Variants in CNDP2 observed in about 807,000 individuals in gnomAD.
The protein encoded by CNDP2 is carnosine dipeptidase 2.
A neutral mutation model predicts 55.0 loss-of-function variants in CNDP2; 38 were observed. The observed-to-expected ratio is 0.69, with a 90% CI of 0.53 to 0.90. CNDP2 has a LOEUF of 0.90. CNDP2 is among the 40% of genes least tolerant of loss of function. The pLI is 0.00. For synonymous variants in CNDP2, 241 were observed against 260.2 expected, an observed-to-expected ratio of 0.93 and a Z score of 0.71; for missense variants, 607 against 621.7, an observed-to-expected ratio of 0.98 and a Z score of 0.25.
At chr18:74,498,463 A>G (rs1978521448) in intron 1 of CNDP2, among the ~76,000 whole-genome samples, 2 of 152,166 alleles carry the variant, frequency 1.3e-5, no homozygotes, top group Admixed American at 6.6e-5. Flanking sequence ...GCACGTGACT[A>G]TATTTTTGAG....
intron 2 of CNDP2, among the ~76,000 whole-genome samples, chr18:74,500,239 A>C (rs531036144): frequency 2.3e-4 from 35 of 152,368 alleles, no homozygotes; most frequent in African/African-American, 7.0e-4. Context: ...TAAGAATAGC[A>C]AATCTAATTG....
chr18:74,516,274 A>G lies in CNDP2; in HGVS notation c.950A>G (p.His317Arg), dbSNP rs374013788. 1.7e-5 allele frequency: 28 copies of G among 1,613,904 alleles called. No homozygotes were observed. The highest frequency in any genetic ancestry group is 2.2e-5 in the Non-Finnish European group (26 of 1,179,978). The change falls in exon 9 of 12, where the codon CAT (histidine) becomes CGT (arginine). Residue 317 changes from histidine to arginine, a missense_variant. Transcript: ENST00000324262. ...TGGCGGTACCCGTCTCTGTCCCTCC[A>G]TGGCATCGAAGGCGCCTTCTCTGGG... ...HRWRYPSLSL[H>R]GIEGAFSGSG...
chr18:74,520,070 C>T lies in CNDP2; in HGVS notation c.*2C>T, dbSNP rs1979964834. On this transcript the variant is annotated 3_prime_UTR_variant, in exon 12 of 12. Transcript: ENST00000324262. The stretch of plus-strand genomic sequence containing the variant: ...GAGGTCTCCCAGCTGAAGGACTAGG[C>T]CAAGCCCTCTGTGTGCCATCTCCAA... The T allele has an allele frequency of 6.2e-7, 1 of 1,613,952 alleles. No homozygotes were observed. Among genetic ancestry groups the T allele is most frequent in the Non-Finnish European group, 8.5e-7 (1 of 1,179,970 alleles).
At chr18:74,503,371 GTTC>G (rs1258540317) in intron 3 of CNDP2, among the ~76,000 whole-genome samples, 1 of 152,194 alleles carries the variant, frequency 6.6e-6, no homozygotes, top group Non-Finnish European at 1.5e-5. Context: ...TGGCAGTGGT[GTTC>G]TGTTTTTCAG....
intron 1 of CNDP2, chr18:74,499,656 C>A: frequency 2.9e-6 from 1 of 340,740 alleles, no homozygotes; most frequent in Admixed American, 4.4e-5. Context: ...GTATTTTCTT[C>A]AACTCAGGCC....
rs1432199495 is a variant in CNDP2 at position 74,522,420 on chromosome 18, C to G, written c.*2352C>G. The G allele has an allele frequency of 6.6e-6, 1 of 152,240 alleles. No individual in the cohort carries two copies. Among genetic ancestry groups the G allele is most frequent in the Non-Finnish European group, 1.5e-5 (1 of 68,054 alleles). The allele number at this position is 152,240 out of a possible 1,614,324, so 9.4% of individuals were successfully genotyped here. On this transcript the variant is annotated 3_prime_UTR_variant, in exon 12 of 12. Coordinates refer to ENST00000324262, the MANE Select transcript of CNDP2 (RefSeq NM_018235.3). ...TGCATGCGAGCTGCATATGGGCCCC[C>G]GTTAGTCAGGAACCCATGCTGAGAG... is the stretch of plus-strand genomic sequence containing the variant.
intron 11 of CNDP2, 119 bp from the exon 12 acceptor site, chr18:74,519,880 G>C (rs1979948107): frequency 1.2e-6 from 1 of 849,342 alleles, no homozygotes; most frequent in Non-Finnish European, 1.9e-6. Flanking sequence ...CCCCAAGCTG[G>C]GATGGGGGAT....
chr18:74,499,666 C>T, intron 1 of CNDP2: 1 of 365,116 alleles, frequency 2.7e-6, no homozygotes, highest in Admixed American at 4.3e-5. Context: ...CAACTCAGGC[C>T]CTCCCTCTGT....
chr18:74,512,456 C>T lies in CNDP2; in HGVS notation c.666C>T (p.Cys222=). 1 of 1,613,522 alleles carries T rather than the reference C, an allele frequency of 6.2e-7. No individual in the cohort carries two copies. The highest frequency in any genetic ancestry group is 8.5e-7 in the Non-Finnish European group (1 of 1,179,680). Reference sequence around the variant, plus strand: ...CCTTTGTTTCCGTGCAGGTGGAGTGCAGCAACAAAGACCTCCATTCTGGGG... The same window carrying T: ...CCTTTGTTTCCGTGCAGGTGGAGTGTAGCAACAAAGACCTCCATTCTGGGG... ...GICYFFIEVE[C]SNKDLHSGVY... Residue 222 remains cysteine, a synonymous_variant, in exon 7 of 12, where the codon TGC becomes TGT. Transcript: ENST00000324262.
At chr18:74,500,069 T>A in intron 2 of CNDP2, 36 bp downstream of exon 2, 1 of 1,570,352 alleles carries the variant, frequency 6.4e-7, no homozygotes, top group Non-Finnish European at 8.8e-7. Flanking sequence ...CAGTAAAATC[T>A]GATTTAATCC....
intron 6 of CNDP2, among the ~76,000 whole-genome samples, chr18:74,511,826 T>C (rs1979373400): frequency 6.6e-6 from 1 of 151,822 alleles, no homozygotes; most frequent in Non-Finnish European, 1.5e-5. Context: ...ATGACTGTGG[T>C]GATTAAATTA....
chr18:74,511,723 G>T (rs1426244952), intron 6 of CNDP2, among the ~76,000 whole-genome samples: 1 of 145,894 alleles, frequency 6.9e-6, no homozygotes, highest in African/African-American at 2.5e-5. Context: ...AAAAAAAAAA[G>T]AGAAACCGAG....
chr18:74,497,571 G>A (rs1388609216), intron 1 of CNDP2: 1 of 152,216 alleles, frequency 6.6e-6, no homozygotes, highest in Non-Finnish European at 1.5e-5. Flanking sequence ...GATCGCTTGA[G>A]TCCAGGAGTT....
intron 5 of CNDP2, 63 bp from the exon 6 acceptor site, chr18:74,510,750 T>C: frequency 7.3e-7 from 1 of 1,377,610 alleles, no homozygotes; most frequent in Non-Finnish European, 1.0e-6. Context: ...TAATCCTGAG[T>C]GTGGCTTCTA....
At chr18:74,519,869 C>T in intron 11 of CNDP2, 130 bp from the exon 12 acceptor site, 1 of 740,412 alleles carries the variant, frequency 1.4e-6, no homozygotes, top group Non-Finnish European at 2.2e-6. Flanking sequence ...GGGCTCAGGG[C>T]CCCCAAGCTG....
In CNDP2 at chr18:74,508,930, T is replaced by G; in HGVS notation, c.456+2T>G. ...GAAGCGTATCAGAAAACAGGCCAGG[T>G]ATGCCCCCCACGCTGACTTCTGCCT... is the stretch of plus-strand genomic sequence containing the variant. On this transcript the variant is annotated splice_donor_variant, in intron 5 of 11. Transcript: ENST00000324262. LOFTEE classifies it high-confidence loss of function. 1 of 1,613,504 alleles carries G rather than the reference T, an allele frequency of 6.2e-7. No homozygotes were observed. Among genetic ancestry groups the G allele is most frequent in the South Asian group, 1.1e-5 (1 of 91,052 alleles).
At position 74,518,976 on chromosome 18, in the gene CNDP2, G is replaced by T; in HGVS notation, c.1238G>T (p.Arg413Met). The part of the protein sequence containing the change: ...TVFGVEPDLT[R>M]EGGSIPVTLT... ...TTTGGTGTTGAGCCAGACTTGACCA[G>T]GGAAGGCGGCAGTATTCCCGTGACC... Residue 413 changes from arginine to methionine, a missense_variant, in exon 11 of 12, where the codon AGG becomes ATG. By Grantham distance (91) the Arg-to-Met change is moderately conservative. Transcript: ENST00000324262. 3.1e-6 allele frequency: 5 copies of T among 1,614,134 alleles called. No individual in the cohort carries two copies. Among genetic ancestry groups the T allele is most frequent in the Non-Finnish European group, 4.2e-6 (5 of 1,180,024 alleles).
chr18:74,516,030 G>A (rs537699304), intron 8 of CNDP2, among the ~76,000 whole-genome samples, 198 bp from the exon 9 acceptor site: 18 of 152,348 alleles, frequency 1.2e-4, no homozygotes, highest in African/African-American at 4.3e-4. Context: ...TGTGCAGCCT[G>A]TCAGGGGCCT....
At chr18:74,518,282 A>C (rs1979822468) in intron 9 of CNDP2, 12 of 452,514 alleles carry the variant, frequency 2.7e-5, no homozygotes, top group Non-Finnish European at 4.3e-5. Context: ...AAAAATAAAA[A>C]AAGAAGTCTC....
Sources: allele counts gnomAD v4.1 joint callset (sites outside exome capture counted in the v4.1 genomes callset), GRCh38; gene constraint gnomAD v4.1.1; transcripts MANE v1.5; gene names NCBI Gene and HGNC (gene_info 2026-07-23, HGNC 2026-07-21).